The following COL25A1 variants were observed in gnomAD, a reference collection of about 807,000 sequenced individuals.
COL25A1 encodes collagen type XXV alpha 1 chain.
A neutral mutation model predicts 128.4 loss-of-function variants in COL25A1; 103 were observed. The ratio of observed to expected loss-of-function variants is 0.80; its 90% CI spans 0.68 to 0.94. The LOEUF is 0.94. Among genes scored for constraint, COL25A1 ranks in the 40% least tolerant of loss-of-function variants. COL25A1 has a pLI of 0.00. For synonymous variants in COL25A1, 279 were observed against 277.2 expected (o/e 1.01, Z -0.06); for missense variants, 745 against 840.0 (o/e 0.89, Z 1.40).
At chr4:109,207,783 G>C (rs140027809) in intron 3 of COL25A1, among the ~76,000 whole-genome samples, 1,907 of 152,194 alleles carry the variant, frequency 0.013, 48 homozygotes, top group Non-Finnish European at 0.011. Flanking sequence ...AGAAACAAAA[G>C]AAAGTAAACA....
chr4:108,974,700 A>G (rs916214349), intron 6 of COL25A1, 141 bp from the exon 7 acceptor site: 9 of 651,022 alleles, frequency 1.4e-5, no homozygotes, highest in African/African-American at 3.6e-5. Context: ...TTTGGTTTCT[A>G]AACTATAATC....
chr4:108,914,062 A>G (rs568380414), intron 13 of COL25A1, among the ~76,000 whole-genome samples: 4 of 152,330 alleles, frequency 2.6e-5, no homozygotes, highest in African/African-American at 7.2e-5. Flanking sequence ...CAAAGAAGAA[A>G]TAGATAACAT....
chr4:109,001,424 G>GCTGAGATCC (rs1561003582), intron 6 of COL25A1, among the ~76,000 whole-genome samples: 4 of 18,410 alleles, frequency 2.2e-4, no homozygotes, highest in Non-Finnish European at 3.3e-4. Flanking sequence ...CAGGTAGGCA[G>GCTGAGATCC]TGAGCTAGAG....
intron 3 of COL25A1, among the ~76,000 whole-genome samples, chr4:109,123,809 C>A (rs1029476372): frequency 6.6e-6 from 1 of 152,066 alleles, no homozygotes; most frequent in Non-Finnish European, 1.5e-5. Context: ...CTACAGCCAT[C>A]ACGGATTATT....
intron 3 of COL25A1, among the ~76,000 whole-genome samples, chr4:109,123,165 T>C (rs1768267295): frequency 6.6e-6 from 1 of 152,042 alleles, no homozygotes; most frequent in Admixed American, 6.6e-5. Flanking sequence ...AATATTCACA[T>C]AAATAGCTGA....
At chr4:108,857,569 A>T (rs1019053377) in intron 24 of COL25A1, among the ~76,000 whole-genome samples, 15 of 106,036 alleles carry the variant, frequency 1.4e-4, no homozygotes, top group East Asian at 7.3e-4. Flanking sequence ...AAATAGATTT[A>T]AAAAAAAAAA....
chr4:109,158,198 G>A (rs916016787), intron 3 of COL25A1, among the ~76,000 whole-genome samples: 12 of 151,744 alleles, frequency 7.9e-5, no homozygotes, highest in African/African-American at 2.4e-4. Context: ...AAAACAAAAA[G>A]AAAAAGAAAA....
intron 3 of COL25A1, among the ~76,000 whole-genome samples, chr4:109,276,744 C>T (rs1427596024): frequency 6.6e-5 from 10 of 152,188 alleles, no homozygotes; most frequent in South Asian, 2.1e-4. Flanking sequence ...TCAATGATGG[C>T]GAGCCCACCA....
intron 3 of COL25A1, among the ~76,000 whole-genome samples, chr4:109,292,700 T>C (rs1724589808): frequency 6.6e-6 from 1 of 152,064 alleles, no homozygotes; most frequent in South Asian, 2.1e-4. Flanking sequence ...TGAGACCACT[T>C]ACCAGTTAGC....
intron 5 of COL25A1, among the ~76,000 whole-genome samples, chr4:109,014,416 A>G (rs3108323): frequency 0.12 from 15,746 of 129,726 alleles, 1,351 homozygotes; most frequent in African/African-American, 0.31. Context: ...ATCAGGAAGA[A>G]CTTCTTCAAA....
At chr4:109,098,520 T>C (rs910505248) in intron 3 of COL25A1, among the ~76,000 whole-genome samples, 3 of 146,854 alleles carry the variant, frequency 2.0e-5, no homozygotes, top group African/African-American at 7.9e-5. Flanking sequence ...AGTTTAAGTA[T>C]ATATAATTCA....
rs567494087 is a variant in COL25A1 at position 109,183,993 on chromosome 4, C to T, written c.367+116590G>A. Among the ~76,000 whole-genome samples, 7 of 151,334 alleles carry T rather than the reference C, an allele frequency of 4.6e-5. No individual in the cohort carries two copies. In the South Asian group the frequency reaches 1.3e-3, roughly 27 times the overall value. The stretch of plus-strand genomic sequence containing the variant: ...GGTCCTTTCACAACTCTCTTTGAGG[C>T]CTGCTTCATGAAAAAAATGCTGTTG... On this transcript the variant is annotated intron_variant, in intron 3 of 37. Coordinates refer to ENST00000399132, the MANE Select transcript of COL25A1 (RefSeq NM_198721.4).
intron 3 of COL25A1, among the ~76,000 whole-genome samples, chr4:109,183,800 A>G (rs1246872215): frequency 6.6e-6 from 1 of 152,142 alleles, no homozygotes; most frequent in Admixed American, 6.6e-5. Flanking sequence ...TAATAGCTAA[A>G]ATATTGATAA....
At chr4:108,886,453 T>TGA in intron 18 of COL25A1, among the ~76,000 whole-genome samples, 1 of 87,712 alleles carries the variant, frequency 1.1e-5, no homozygotes, top group Non-Finnish European at 2.4e-5. Flanking sequence ...TGTGTGTGTG[T>TGA]GTGTGTGTGT....
At chr4:109,112,968 A>T (rs1273931999) in intron 3 of COL25A1, among the ~76,000 whole-genome samples, 1 of 152,158 alleles carries the variant, frequency 6.6e-6, no homozygotes, top group Non-Finnish European at 1.5e-5. Context: ...AGACCCCTGA[A>T]CAGTCAAGTT....
chr4:109,257,312 G>A (rs924425117), intron 3 of COL25A1, among the ~76,000 whole-genome samples: 1 of 152,062 alleles, frequency 6.6e-6, no homozygotes, highest in Non-Finnish European at 1.5e-5. Flanking sequence ...ACATCTCTTT[G>A]TAGTTCTTAT....
intron 3 of COL25A1, among the ~76,000 whole-genome samples, chr4:109,185,376 G>A (rs933322596): frequency 2.0e-5 from 3 of 152,100 alleles, no homozygotes; most frequent in African/African-American, 7.2e-5. Flanking sequence ...CTGTCCTCAT[G>A]GTACAAAGGA....
chr4:109,014,907 C>A (rs531779679), intron 5 of COL25A1, among the ~76,000 whole-genome samples: 26 of 152,310 alleles, frequency 1.7e-4, no homozygotes, highest in African/African-American at 6.3e-4. Flanking sequence ...CTATGAGATT[C>A]CAGGACTGCC....
chr4:109,127,211 G>T (rs541645062), intron 3 of COL25A1, among the ~76,000 whole-genome samples: 1 of 152,264 alleles, frequency 6.6e-6, no homozygotes, highest in East Asian at 1.9e-4. Flanking sequence ...TGAGTATGAG[G>T]ACCATGCCTT....
Sources: gnomAD v4.1 joint callset for allele counts (sites outside exome capture counted in the v4.1 genomes callset) on GRCh38, gnomAD v4.1.1 for gene constraint, MANE v1.5 for transcripts, NCBI Gene and HGNC (gene_info 2026-07-23, HGNC 2026-07-21) for gene names.